The following SPATA6 variants were observed in gnomAD, a reference collection of about 807,000 sequenced individuals.
SPATA6 encodes the protein spermatogenesis-associated protein 6.
In SPATA6, 56 loss-of-function variants were observed where a neutral mutation model predicts 65.3. The observed-to-expected ratio is 0.86, with a 90% CI of 0.69 to 1.07. The LOEUF (loss-of-function observed/expected upper bound fraction) is 1.07, where lower values mean the gene tolerates loss of function less well. Among genes scored for constraint, SPATA6 ranks in the 50% least tolerant of loss-of-function variants. The pLI is 0.00. For missense variants in SPATA6, 590 were observed against 594.8 expected (o/e 0.99, Z 0.08); for synonymous variants, 199 against 213.2 (o/e 0.93, Z 0.58).
intron 11 of SPATA6, among the ~76,000 whole-genome samples, chr1:48,338,133 T>C (rs1646110884): frequency 6.6e-6 from 1 of 151,794 alleles, no homozygotes; most frequent in African/African-American, 2.4e-5. Flanking sequence ...ACCAATAAAA[T>C]AGAAGAAAAT....
chr1:48,355,889 G>T, intron 10 of SPATA6, 120 bp from the exon 11 acceptor site: 1 of 678,918 alleles, frequency 1.5e-6, no homozygotes, highest in Non-Finnish European at 2.5e-6. Flanking sequence ...GCATACATTG[G>T]GGAGAACATA....
chr1:48,428,110 C>T (rs1469823021), intron 3 of SPATA6, among the ~76,000 whole-genome samples: 1 of 152,070 alleles, frequency 6.6e-6, no homozygotes, highest in Non-Finnish European at 1.5e-5. Context: ...CATCTGGCTC[C>T]CTAAAAACTT....
intron 11 of SPATA6, among the ~76,000 whole-genome samples, chr1:48,351,684 T>C (rs1367362183): frequency 1.3e-5 from 2 of 152,080 alleles, no homozygotes; most frequent in Non-Finnish European, 1.5e-5. Context: ...TTTGCTAATA[T>C]GTTGTTGGGA....
rs371729466 is a variant in SPATA6 at position 48,314,939 on chromosome 1, C to T, written c.1195-9061G>A. Among the ~76,000 whole-genome samples, 50 of 152,278 alleles carry T rather than the reference C, an allele frequency of 3.3e-4. No individual in the cohort carries two copies. The East Asian group carries it at 4.1e-3, about 12-fold the overall frequency. ...CCTCTATGCAAATAAACTAGAAAAT[C>T]TAGAATAAATGGATAAATCCTTGAC... On this transcript the variant is annotated intron_variant, in intron 11 of 12. Coordinates refer to ENST00000371847, the MANE Select transcript of SPATA6 (RefSeq NM_019073.4).
chr1:48,386,247 C>T (rs367714622), intron 8 of SPATA6, among the ~76,000 whole-genome samples: 1 of 152,158 alleles, frequency 6.6e-6, no homozygotes, highest in Non-Finnish European at 1.5e-5. Context: ...AAAACTAATT[C>T]TAAATTTATC....
At chr1:48,316,213 C>T (rs12038158) in intron 11 of SPATA6, among the ~76,000 whole-genome samples, 26,695 of 152,038 alleles carry the variant, frequency 0.18, 2,945 homozygotes, top group Middle Eastern at 0.29. Context: ...AAAAAGGAGC[C>T]CGCATTACCA....
At position 48,399,547 on chromosome 1, in the gene SPATA6, T is replaced by C; in HGVS notation, c.584A>G (p.Glu195Gly). Residue 195 changes from glutamate (E) to glycine (G), a missense_variant, in exon 7 of 13, where the codon GAG (glutamate) becomes GGG (glycine). Physicochemically the swap from Glu to Gly is moderately conservative, Grantham distance 98. Transcript: ENST00000371847. The part of the protein sequence containing the change: ...RSQKKKSKSP[E>G]RSKYCINAKN... Reference sequence around the variant, plus strand: ...TGCATTTATACAGTATTTACTTCTCTCAGGTGACTTGGATTTTTTCTTTTG... The same window carrying C: ...TGCATTTATACAGTATTTACTTCTCCCAGGTGACTTGGATTTTTTCTTTTG... 6.2e-7 allele frequency: 1 copy of C among 1,613,086 alleles called. No individual in the cohort carries two copies. Among genetic ancestry groups the C allele is most frequent in the Non-Finnish European group, 8.5e-7 (1 of 1,179,366 alleles).
chr1:48,447,511 TC>T (rs1173940818), intron 3 of SPATA6, among the ~76,000 whole-genome samples: 1 of 152,088 alleles, frequency 6.6e-6, no homozygotes, highest in Non-Finnish European at 1.5e-5. Flanking sequence ...AGGGTGAGAC[TC>T]CATCTCAAAA....
chr1:48,297,072 GC>G lies in SPATA6; in HGVS notation c.*1640del, dbSNP rs1242544116. On this transcript the variant is annotated 3_prime_UTR_variant, in exon 13 of 13. Transcript: ENST00000371847. Reference sequence around the variant, plus strand: ...GCCCCAGTTTACAGGCGCTATTCCAGCATTAATATCATCTCTTTTTACCTCT... The same window carrying G: ...GCCCCAGTTTACAGGCGCTATTCCAGATTAATATCATCTCTTTTTACCTCT... The G allele has an allele frequency of 1.3e-5, 2 of 151,292 alleles. No homozygotes were observed. The highest frequency in any genetic ancestry group is 2.9e-5 in the Non-Finnish European group (2 of 67,944). The allele number at this position is 151,292 out of a possible 1,614,324, so 9.4% of individuals were successfully genotyped here.
chr1:48,422,814 G>A (rs910432985), intron 3 of SPATA6, among the ~76,000 whole-genome samples: 5 of 152,032 alleles, frequency 3.3e-5, no homozygotes, highest in African/African-American at 1.2e-4. Flanking sequence ...CTAAAAACAG[G>A]CATACGTCTA....
chr1:48,318,787 C>G (rs971321972), intron 11 of SPATA6, among the ~76,000 whole-genome samples: 8 of 151,932 alleles, frequency 5.3e-5, no homozygotes, highest in African/African-American at 1.9e-4. Context: ...AAAATTCATA[C>G]AGAAATGCAA....
intron 5 of SPATA6, among the ~76,000 whole-genome samples, chr1:48,406,227 A>G (rs1422612381): frequency 6.6e-6 from 1 of 152,108 alleles, no homozygotes; most frequent in African/African-American, 2.4e-5. Context: ...ACCCTGTCTC[A>G]AAAACAAAAC....
At chr1:48,356,745 C>T (rs1034767213) in intron 10 of SPATA6, among the ~76,000 whole-genome samples, 4 of 151,830 alleles carry the variant, frequency 2.6e-5, no homozygotes, top group South Asian at 2.1e-4. Flanking sequence ...CCTCGTGATC[C>T]GCCCACCTTG....
chr1:48,341,740 T>C (rs753866698), intron 11 of SPATA6, among the ~76,000 whole-genome samples: 1 of 152,186 alleles, frequency 6.6e-6, no homozygotes, highest in Non-Finnish European at 1.5e-5. Flanking sequence ...AAAAAGTTCA[T>C]ACTAGTTTTG....
chr1:48,371,525 T>C (rs1024892977), intron 9 of SPATA6, among the ~76,000 whole-genome samples: 3 of 152,218 alleles, frequency 2.0e-5, no homozygotes, highest in Admixed American at 6.5e-5. Context: ...AAATTAAGTT[T>C]GAAATCAGTG....
chr1:48,415,705 C>T (rs1038865073), intron 3 of SPATA6, among the ~76,000 whole-genome samples: 1 of 145,836 alleles, frequency 6.9e-6, no homozygotes, highest in African/African-American at 2.5e-5. Flanking sequence ...GGTATAAATA[C>T]ACGTGATGAG....
chr1:48,318,802 C>G (rs1645514780), intron 11 of SPATA6, among the ~76,000 whole-genome samples: 1 of 151,912 alleles, frequency 6.6e-6, no homozygotes, highest in South Asian at 2.1e-4. Flanking sequence ...ATGCAAAGGA[C>G]CTAGAATAGT....
At chr1:48,450,070 G>C (rs1656423329) in intron 3 of SPATA6, among the ~76,000 whole-genome samples, 1 of 151,698 alleles carries the variant, frequency 6.6e-6, no homozygotes, top group Non-Finnish European at 1.5e-5. Context: ...CTGCAAAACA[G>C]TACAGTAAGG....
chr1:48,448,275 A>C (rs1378410085), intron 3 of SPATA6, among the ~76,000 whole-genome samples: 6 of 150,328 alleles, frequency 4.0e-5, no homozygotes, highest in Admixed American at 6.6e-5. Flanking sequence ...AAAAAAAAAA[A>C]GGAGAAGCTG....
Sources: allele counts gnomAD v4.1 joint callset (sites outside exome capture counted in the v4.1 genomes callset), GRCh38; gene constraint gnomAD v4.1.1; transcripts MANE v1.5; gene names NCBI Gene and HGNC (gene_info 2026-07-23, HGNC 2026-07-21).